The following BLM variants were observed in gnomAD, a reference collection of about 807,000 sequenced individuals.
BLM encodes recQ-like DNA helicase BLM.
A neutral mutation model predicts 135.3 loss-of-function variants in BLM; 95 were observed. The ratio of observed to expected loss-of-function variants is 0.70; its 90% CI spans 0.59 to 0.83. BLM has a LOEUF of 0.83. Ranked by LOEUF, BLM falls within the 40% of genes least tolerant of loss-of-function variation. The pLI is 0.00. For synonymous variants in BLM, 520 were observed against 589.2 expected, an observed-to-expected ratio of 0.88 and a Z score of 1.70; for missense variants, 1,518 against 1,663.9, an observed-to-expected ratio of 0.91 and a Z score of 1.53.
chr15:90,778,358 G>T (rs969303018), intron 12 of BLM, among the ~76,000 whole-genome samples: 11 of 152,154 alleles, frequency 7.2e-5, no homozygotes, highest in African/African-American at 2.7e-4. Context: ...GATGTTTTTA[G>T]TAACAGCTTT....
At chr15:90,801,978 C>T (rs954303587) in intron 17 of BLM, among the ~76,000 whole-genome samples, 2 of 152,276 alleles carry the variant, frequency 1.3e-5, no homozygotes, top group Non-Finnish European at 1.5e-5. Context: ...ATCACCTGCG[C>T]CCATGAGATC....
At chr15:90,731,178 A>G (rs1488527301) in intron 1 of BLM, among the ~76,000 whole-genome samples, 2 of 152,042 alleles carry the variant, frequency 1.3e-5, no homozygotes, top group Non-Finnish European at 2.9e-5. Flanking sequence ...GGCTCAAGCA[A>G]TCCTCCTGCC....
At chr15:90,729,948 C>T (rs942077682) in intron 1 of BLM, among the ~76,000 whole-genome samples, 2 of 152,008 alleles carry the variant, frequency 1.3e-5, no homozygotes, top group Non-Finnish European at 2.9e-5. Context: ...CGGGTTCAAG[C>T]GATTCTCCTG....
At chr15:90,786,574 G>A (rs1896754785) in intron 14 of BLM, among the ~76,000 whole-genome samples, 2 of 152,128 alleles carry the variant, frequency 1.3e-5, no homozygotes, top group Non-Finnish European at 2.9e-5. Context: ...TTGTGTGTGG[G>A]AAATGGTATC....
intron 1 of BLM, among the ~76,000 whole-genome samples, chr15:90,725,835 T>C (rs548034596): frequency 8.6e-5 from 13 of 152,010 alleles, no homozygotes; most frequent in Admixed American, 7.9e-4. Context: ...TTCTGTCTTC[T>C]CTATTAAGTT....
At position 90,797,414 on chromosome 15, in the gene BLM, C is replaced by CAAAAAAAA. The variant is rs56369282; in HGVS notation, c.3211-752_3211-745dup. 2.1e-3 allele frequency among the ~76,000 whole-genome samples: 230 copies of CAAAAAAAA among 109,534 alleles called. 1 individual carries two copies. Among genetic ancestry groups the CAAAAAAAA allele is most frequent in the Non-Finnish European group, 3.2e-3 (182 of 56,374 alleles). 71.9% of individuals were successfully genotyped at this position (109,534 alleles called of 152,430 possible). A position where few individuals can be genotyped will look rare whatever the true frequency, so the allele number is the denominator to read the frequency against. ...CTGGGCGACGAGCGAAACTCCATCT[C>CAAAAAAAA]AAAAAAAAAAAAAAAAAAAAAAAAA... On this transcript the variant is annotated intron_variant, in intron 16 of 21. Coordinates refer to ENST00000355112, the MANE Select transcript of BLM (RefSeq NM_000057.4).
intron 14 of BLM, among the ~76,000 whole-genome samples, chr15:90,787,343 G>A (rs555567245): frequency 2.0e-5 from 3 of 151,908 alleles, no homozygotes; most frequent in Non-Finnish European, 2.9e-5. Context: ...GTGAGCCACC[G>A]CACCCAGCCT....
intron 3 of BLM, among the ~76,000 whole-genome samples, chr15:90,750,588 A>G (rs1352466242): frequency 2.0e-5 from 3 of 152,110 alleles, no homozygotes; most frequent in Non-Finnish European, 4.4e-5. Context: ...TATTTCTGGG[A>G]TTTTCCATTT....
intron 1 of BLM, among the ~76,000 whole-genome samples, chr15:90,729,326 A>C (rs887803790): frequency 1.3e-5 from 2 of 152,164 alleles, no homozygotes; most frequent in Non-Finnish European, 2.9e-5. Context: ...AAATAAATAA[A>C]ATAAATAAAA....
intron 8 of BLM, among the ~76,000 whole-genome samples, chr15:90,763,764 G>A (rs1292783773): frequency 7.2e-5 from 11 of 152,192 alleles, no homozygotes; most frequent in Non-Finnish European, 1.0e-4. Flanking sequence ...AAAGAGTCTA[G>A]GACATTCATT....
chr15:90,752,232 G>A (rs1895707705), intron 4 of BLM, among the ~76,000 whole-genome samples: 1 of 151,286 alleles, frequency 6.6e-6, no homozygotes, highest in African/African-American at 2.4e-5. Context: ...CTGGAGTGAA[G>A]TGGTATGATC....
chr15:90,799,665 C>A, intron 17 of BLM, among the ~76,000 whole-genome samples: 1 of 148,738 alleles, frequency 6.7e-6, no homozygotes, highest in Non-Finnish European at 1.5e-5. Flanking sequence ...AGACATATGG[C>A]CACGAGATTT....
intron 19 of BLM, chr15:90,808,835 G>A (rs1455767252): frequency 1.7e-5 from 8 of 464,324 alleles, no homozygotes; most frequent in Admixed American, 1.0e-4. Context: ...GTGGGCAAGA[G>A]CAGATCTGCT....
intron 14 of BLM, among the ~76,000 whole-genome samples, chr15:90,786,763 T>C (rs974689045): frequency 7.3e-5 from 11 of 151,508 alleles, no homozygotes; most frequent in African/African-American, 2.4e-4. Context: ...TATAGGCACA[T>C]GCCACCACAC....
chr15:90,799,763 C>G (rs1343038984), intron 17 of BLM, among the ~76,000 whole-genome samples: 1 of 151,412 alleles, frequency 6.6e-6, no homozygotes, highest in Non-Finnish European at 1.5e-5. Context: ...CAAATTAAAC[C>G]AACAAAAAAC....
intron 10 of BLM, among the ~76,000 whole-genome samples, chr15:90,767,767 T>A (rs1896174719): frequency 2.0e-5 from 3 of 152,334 alleles, no homozygotes; most frequent in Admixed American, 1.3e-4. Context: ...GATATCCTGT[T>A]GTGGGATGCT....
At chr15:90,750,481 G>A (rs964560374) in intron 3 of BLM, among the ~76,000 whole-genome samples, 4 of 152,176 alleles carry the variant, frequency 2.6e-5, no homozygotes, top group Admixed American at 6.5e-5. Flanking sequence ...CCACTACTAA[G>A]TGATTAACAG....
At chr15:90,725,717 T>C (rs1044043329) in intron 1 of BLM, among the ~76,000 whole-genome samples, 1 of 151,538 alleles carries the variant, frequency 6.6e-6, no homozygotes, top group African/African-American at 2.4e-5. Context: ...TTCACTGTGT[T>C]AGCCAGGGTG....
chr15:90,809,673 T>G lies in BLM; in HGVS notation c.3874+414T>G, dbSNP rs557436702. Among the ~76,000 whole-genome samples, 13 of 152,336 alleles carry G rather than the reference T, an allele frequency of 8.5e-5. No homozygotes were observed. In the South Asian group the frequency reaches 2.7e-3, roughly 32 times the overall value. On this transcript the variant is annotated intron_variant, in intron 20 of 21. Transcript: ENST00000355112. The stretch of plus-strand genomic sequence containing the variant: ...TGACAAACATGTCTAAAGATAAAAT[T>G]TAAGACTAGTGTTTAAATGTTTTGG...
Sources: allele counts gnomAD v4.1 joint callset (sites outside exome capture counted in the v4.1 genomes callset), GRCh38; gene constraint gnomAD v4.1.1; transcripts MANE v1.5; gene names NCBI Gene and HGNC (gene_info 2026-07-23, HGNC 2026-07-21).